The following TASP1 variants were observed in gnomAD, a reference collection of about 807,000 sequenced individuals.
TASP1 encodes the protein taspase 1, also known as threonine aspartase 1.
In TASP1, 16 loss-of-function variants were observed where a neutral mutation model predicts 56.6. The ratio of observed to expected loss-of-function variants is 0.28; its 90% CI spans 0.19 to 0.43. The LOEUF (loss-of-function observed/expected upper bound fraction) is 0.43, where lower values mean the gene tolerates loss of function less well. Ranked by LOEUF, TASP1 falls within the 20% of genes least tolerant of loss-of-function variation. TASP1 has a pLI of 1.00. For synonymous variants in TASP1, 179 were observed against 184.2 expected (o/e 0.97, Z 0.23); for missense variants, 393 against 511.6 (o/e 0.77, Z 2.24).
At position 13,483,337 on chromosome 20, in the gene TASP1, C is replaced by T; in HGVS notation, c.875G>A (p.Gly292Glu). The change falls in exon 11 of 14, where the codon GGA becomes GAA. Residue 292 changes from glycine to glutamate, a missense_variant and splice_region_variant. Physicochemically the swap from Gly to Glu is moderately conservative, Grantham distance 98. Around this residue, in one of 3 missense-constraint regions of TASP1, gnomAD observed 293 missense variants for 354.2 expected, o/e 0.83. Coordinates refer to ENST00000337743, the MANE Select transcript of TASP1 (RefSeq NM_017714.3). ...NPYSTAVSTS[G>E]CGEHLVRTIL... ...GGTGCGCACAAGATGCTCTCCACATCCTAGAAATCCAAAGAAACCAACAGT... is the reference window on the plus strand; with the variant it reads ...GGTGCGCACAAGATGCTCTCCACATTCTAGAAATCCAAAGAAACCAACAGT... The T allele has an allele frequency of 6.4e-7, 1 of 1,552,758 alleles. No individual in the cohort carries two copies. The highest frequency in any genetic ancestry group is 1.7e-4 in the Middle Eastern group (1 of 5,840).
At chr20:13,495,303 A>C (rs1271392451) in intron 10 of TASP1, among the ~76,000 whole-genome samples, 1 of 152,186 alleles carries the variant, frequency 6.6e-6, no homozygotes, top group Admixed American at 6.5e-5. Flanking sequence ...ATCAGCTTTA[A>C]AGCTGTACGC....
the TASP1 span, among the ~76,000 whole-genome samples, chr20:13,345,650 T>C: frequency 6.6e-6 from 1 of 152,058 alleles, no homozygotes. Flanking sequence ...TGGTACCCTG[T>C]AGAACAGAGC....
the TASP1 span, among the ~76,000 whole-genome samples, chr20:13,264,085 T>A: frequency 2.0e-5 from 3 of 152,324 alleles, no homozygotes; most frequent in East Asian, 5.8e-4. Flanking sequence ...ACTTTAGCCA[T>A]CATTATCATC....
the TASP1 span, among the ~76,000 whole-genome samples, chr20:13,184,534 T>A: frequency 0.61 from 93,371 of 151,968 alleles, 28,966 homozygotes; most frequent in East Asian, 0.69. Flanking sequence ...AATCACAAGC[T>A]CAAGTAGTAG....
intron 4 of TASP1, among the ~76,000 whole-genome samples, chr20:13,593,686 C>T (rs1288760278): frequency 6.6e-6 from 1 of 152,200 alleles, no homozygotes; most frequent in East Asian, 1.9e-4. Flanking sequence ...AATAGGTAAA[C>T]GAAGTGGCTG....
chr20:13,556,099 A>T (rs1568577436), intron 8 of TASP1, among the ~76,000 whole-genome samples: 2 of 152,164 alleles, frequency 1.3e-5, no homozygotes, highest in Non-Finnish European at 2.9e-5. Flanking sequence ...GCCTACTTCT[A>T]CCACCAGAAA....
At chr20:13,195,715 C>G in the TASP1 span, among the ~76,000 whole-genome samples, 1 of 152,026 alleles carries the variant, frequency 6.6e-6, no homozygotes, top group Admixed American at 6.6e-5. Context: ...CTGGAGGAGC[C>G]CAAATGAAGA....
At chr20:13,384,975 G>C (rs554705968), downstream of TASP1, among the ~76,000 whole-genome samples, 30 of 152,314 alleles carry the variant, frequency 2.0e-4, 2 homozygotes, top group African/African-American at 7.0e-4. Flanking sequence ...TCCCAGTGTT[G>C]AGCGTTTATA....
the TASP1 span, among the ~76,000 whole-genome samples, chr20:13,382,476 G>C: frequency 6.6e-6 from 1 of 152,002 alleles, no homozygotes; most frequent in African/African-American, 2.4e-5. Flanking sequence ...GCAAGACCCT[G>C]TCTCTACAAA....
intron 11 of TASP1, among the ~76,000 whole-genome samples, chr20:13,438,824 C>A (rs1312414862): frequency 1.3e-5 from 2 of 152,126 alleles, no homozygotes; most frequent in Non-Finnish European, 2.9e-5. Flanking sequence ...AAACAAACAA[C>A]CCCATCAAAA....
Position 13,630,206 on chromosome 20 carries a change from T to G in TASP1, c.-74-54A>C, listed in dbSNP as rs180881558. 627 of 920,640 alleles carry G rather than the reference T, an allele frequency of 6.8e-4. 5 individuals carry two copies. The East Asian group carries it at 0.016, about 23-fold the overall frequency. 57.0% of individuals were successfully genotyped at this position (920,640 alleles called of 1,614,324 possible). A position where few individuals can be genotyped will look rare whatever the true frequency, so the allele number is the denominator to read the frequency against. ...CATTTCTTTCCACCAACACATAAGT[T>G]ACTTACACAAATTCATGCAAAGATA... On this transcript the variant is annotated intron_variant, in intron 1 of 13. Transcript: ENST00000337743.
chr20:13,461,390 T>C (rs998768214), intron 11 of TASP1, among the ~76,000 whole-genome samples: 1 of 152,208 alleles, frequency 6.6e-6, no homozygotes, highest in Non-Finnish European at 1.5e-5. Context: ...ATATAGACTT[T>C]GTTTTATTAT....
At chr20:13,377,346 A>G in the TASP1 span, among the ~76,000 whole-genome samples, 14 of 152,164 alleles carry the variant, frequency 9.2e-5, no homozygotes, top group African/African-American at 3.1e-4. Context: ...GGTTTTTGCC[A>G]TTGGTTCTGT....
intron 12 of TASP1, among the ~76,000 whole-genome samples, chr20:13,434,173 A>G (rs1348836661): frequency 6.6e-6 from 1 of 152,044 alleles, no homozygotes; most frequent in Non-Finnish European, 1.5e-5. Flanking sequence ...TGCTGGTTAT[A>G]GGGGGTGGGT....
chr20:13,360,138 C>G, the TASP1 span, among the ~76,000 whole-genome samples: 2 of 151,958 alleles, frequency 1.3e-5, no homozygotes, highest in Non-Finnish European at 2.9e-5. Flanking sequence ...GGTGCCAAAC[C>G]CATATACTCT....
the TASP1 span, among the ~76,000 whole-genome samples, chr20:13,129,952 CAG>C: frequency 6.6e-6 from 1 of 150,998 alleles, no homozygotes; most frequent in Non-Finnish European, 1.5e-5. Context: ...AAAAAAAAAA[CAG>C]AGAATGCTAT....
At chr20:13,225,567 G>A in the TASP1 span, among the ~76,000 whole-genome samples, 36 of 152,100 alleles carry the variant, frequency 2.4e-4, no homozygotes, top group South Asian at 4.1e-4. Context: ...ATGCCCTAGT[G>A]TGCTCAAAAC....
chr20:13,411,784 T>C (rs2042103000), intron 13 of TASP1, among the ~76,000 whole-genome samples: 1 of 152,204 alleles, frequency 6.6e-6, no homozygotes, highest in Admixed American at 6.5e-5. Context: ...TCCATGTTGC[T>C]AAGGTGTTCG....
chr20:13,232,165 G>A, the TASP1 span, among the ~76,000 whole-genome samples: 1 of 152,148 alleles, frequency 6.6e-6, no homozygotes, highest in Non-Finnish European at 1.5e-5. Context: ...TTTAAATACA[G>A]CTTTGTTGAA....
Sources: allele counts gnomAD v4.1 joint callset (sites outside exome capture counted in the v4.1 genomes callset), GRCh38; gene constraint gnomAD v4.1.1; regional missense constraint gnomAD v4.1.1; transcripts MANE v1.5; gene names NCBI Gene and HGNC (gene_info 2026-07-23, HGNC 2026-07-21).